The following PALM2AKAP2 variants were observed in gnomAD, a reference collection of about 807,000 sequenced individuals.
PALM2AKAP2 encodes PALM2 and AKAP2 fusion, also known as PALM2-AKAP2 fusion protein.
Under a neutral mutation model 71.5 loss-of-function variants are expected in PALM2AKAP2, and 37 were observed. The ratio of observed to expected loss-of-function variants is 0.52; its 90% CI spans 0.40 to 0.68. The LOEUF is 0.68. Ranked by LOEUF, PALM2AKAP2 falls within the 30% of genes least tolerant of loss-of-function variation. The probability of loss-of-function intolerance (pLI) is 0.00; values close to 1 mark genes in which losing one functional copy is unlikely to be tolerated. For missense variants in PALM2AKAP2, 1,224 were observed against 1,191.8 expected, an observed-to-expected ratio of 1.03 and a Z score of -0.40; for synonymous variants, 468 against 478.8, an observed-to-expected ratio of 0.98 and a Z score of 0.29.
chr9:109,656,754 G>T (rs1469722131), intron 1 of PALM2AKAP2, among the ~76,000 whole-genome samples: 1 of 152,212 alleles, frequency 6.6e-6, no homozygotes, highest in Non-Finnish European at 1.5e-5. Flanking sequence ...GGCTGTGCCA[G>T]TCCGGATGGT....
upstream of PALM2AKAP2, chr9:110,048,530 A>G: frequency 1.6e-6 from 1 of 621,280 alleles, no homozygotes; most frequent in South Asian, 2.1e-5. Flanking sequence ...CGCCGAAGCC[A>G]CTGAGAGGAG....
intron 7 of PALM2AKAP2, chr9:110,025,378 A>T: frequency 1.4e-5 from 12 of 882,318 alleles, no homozygotes; most frequent in Non-Finnish European, 2.2e-5. Context: ...TTACTGGAAG[A>T]TGGAGGTTCC....
intron 2 of PALM2AKAP2, among the ~76,000 whole-genome samples, chr9:109,875,812 T>C (rs1829708308): frequency 6.6e-6 from 1 of 152,228 alleles, no homozygotes; most frequent in African/African-American, 2.4e-5. Context: ...TTCTTGCTTT[T>C]TGTTTTCCAA....
At chr9:109,682,600 C>T (rs72750860) in intron 1 of PALM2AKAP2, among the ~76,000 whole-genome samples, 13,627 of 152,220 alleles carry the variant, frequency 0.09, 739 homozygotes, top group South Asian at 0.19. Context: ...GGGACTCAGG[C>T]CCACACATTT....
intron 1 of PALM2AKAP2, among the ~76,000 whole-genome samples, chr9:109,791,778 G>T (rs754311197): frequency 2.6e-5 from 4 of 152,336 alleles, no homozygotes; most frequent in Non-Finnish European, 4.4e-5. Flanking sequence ...GATGGGCACT[G>T]TGTGGGAATT....
At chr9:109,860,124 T>C (rs1829270803) in intron 1 of PALM2AKAP2, among the ~76,000 whole-genome samples, 1 of 152,228 alleles carries the variant, frequency 6.6e-6, no homozygotes, top group South Asian at 2.1e-4. Context: ...CGAACAGGGA[T>C]GTGTCTGCTG....
chr9:109,641,304 C>A (rs1359499322), intron 1 of PALM2AKAP2, among the ~76,000 whole-genome samples: 2 of 152,118 alleles, frequency 1.3e-5, no homozygotes, highest in East Asian at 3.9e-4. Context: ...CAGTGTGAAG[C>A]GTGTAATGGA....
Position 110,156,450 on chromosome 9 carries a change from T to A in PALM2AKAP2, c.2701T>A (p.Tyr901Asn), listed in dbSNP as rs530880661. ...TCTGATGCAGACCCTCATGGAAGAC[T>A]ATGAGACACACAAATCTAAAAGGCG... Residue 901 changes from tyrosine (Y) to asparagine (N), a missense_variant, in exon 3 of 4, where the codon TAT becomes AAT. Tyr to Asn is a moderately radical substitution (Grantham distance 143). Transcript: ENST00000374525. The A allele has an allele frequency of 3.7e-6, 6 of 1,612,100 alleles. No homozygotes were observed. The African/African-American group carries it at 8.0e-5, about 21-fold the overall frequency.
chr9:110,053,812 C>T (rs933885547), intron 1 of PALM2AKAP2, among the ~76,000 whole-genome samples: 1 of 152,112 alleles, frequency 6.6e-6, no homozygotes. Context: ...TGCATGAACT[C>T]GTTGAAGGGG....
At chr9:109,867,433 A>C (rs996353287) in intron 1 of PALM2AKAP2, 58 bp from the exon 2 acceptor site, 10 of 1,594,062 alleles carry the variant, frequency 6.3e-6, no homozygotes, top group Admixed American at 5.1e-5. Flanking sequence ...TTTCTGCCTT[A>C]AAATTTCTGG....
At chr9:110,120,865 C>T (rs1394825769) in intron 1 of PALM2AKAP2, among the ~76,000 whole-genome samples, 1 of 152,100 alleles carries the variant, frequency 6.6e-6, no homozygotes, top group Non-Finnish European at 1.5e-5. Context: ...TGAAAGACTG[C>T]AGGATGCAGT....
At chr9:109,742,199 GATGTACTCACATGT>G (rs1345772723) in intron 1 of PALM2AKAP2, among the ~76,000 whole-genome samples, 6 of 151,710 alleles carry the variant, frequency 4.0e-5, no homozygotes, top group East Asian at 3.9e-4. Context: ...ATTTGTCTGT[GATGTACTCACATGT>G]ATGTACTCAC....
intron 1 of PALM2AKAP2, among the ~76,000 whole-genome samples, chr9:109,799,482 G>A (rs1336427271): frequency 1.3e-5 from 2 of 152,086 alleles, no homozygotes; most frequent in Non-Finnish European, 2.9e-5. Flanking sequence ...CCATAGAGGG[G>A]TCACCTTTAG....
intron 7 of PALM2AKAP2, among the ~76,000 whole-genome samples, chr9:110,022,449 CT>C (rs1462911360): frequency 6.6e-6 from 1 of 152,178 alleles, no homozygotes; most frequent in Admixed American, 6.5e-5. Flanking sequence ...TTAAAAGCCC[CT>C]GGCTTTCATT....
chr9:110,133,010 A>G (rs1835768929), intron 1 of PALM2AKAP2, among the ~76,000 whole-genome samples: 1 of 151,992 alleles, frequency 6.6e-6, no homozygotes, highest in South Asian at 2.1e-4. Context: ...GCAGTTTTGT[A>G]TTTTTTTTCA....
At chr9:109,800,880 G>C (rs1827410137) in intron 1 of PALM2AKAP2, among the ~76,000 whole-genome samples, 1 of 152,228 alleles carries the variant, frequency 6.6e-6, no homozygotes, top group Admixed American at 6.5e-5. Context: ...GCCTTGGAGG[G>C]AAGAATGACG....
chr9:109,902,902 T>A (rs16914598), intron 3 of PALM2AKAP2, among the ~76,000 whole-genome samples: 1,752 of 152,202 alleles, frequency 0.012, 38 homozygotes, highest in African/African-American at 0.04. Flanking sequence ...TAAGTGCCGG[T>A]CCCTACTCAG....
At chr9:109,789,226 A>G (rs1215137740) in intron 1 of PALM2AKAP2, among the ~76,000 whole-genome samples, 2 of 152,198 alleles carry the variant, frequency 1.3e-5, no homozygotes, top group African/African-American at 2.4e-5. Flanking sequence ...AGCCCCATTG[A>G]GAGAGGCTTG....
intron 7 of PALM2AKAP2, among the ~76,000 whole-genome samples, chr9:110,021,418 T>G (rs1316526429): frequency 6.6e-6 from 1 of 152,198 alleles, no homozygotes; most frequent in Non-Finnish European, 1.5e-5. Context: ...TCCGTTGTTT[T>G]AAGCCACCAA....
Sources: gnomAD v4.1 joint callset for allele counts (sites outside exome capture counted in the v4.1 genomes callset) on GRCh38, gnomAD v4.1.1 for gene constraint, MANE v1.5 for transcripts, NCBI Gene and HGNC (gene_info 2026-07-23, HGNC 2026-07-21) for gene names.